Variants in ADAMTS3 observed in about 807,000 individuals in gnomAD.
ADAMTS3 encodes the protein A disintegrin and metalloproteinase with thrombospondin motifs 3.
In ADAMTS3, 73 loss-of-function variants were observed where a neutral mutation model predicts 129.0. The observed-to-expected ratio is 0.57, with a 90% CI of 0.47 to 0.69. The LOEUF (loss-of-function observed/expected upper bound fraction) is 0.69, where lower values mean the gene tolerates loss of function less well. Ranked by LOEUF, ADAMTS3 falls within the 30% of genes least tolerant of loss-of-function variation. The pLI is 0.00. For synonymous variants in ADAMTS3, 477 were observed against 510.8 expected (o/e 0.93, Z 0.89); for missense variants, 1,457 against 1,514.5 (o/e 0.96, Z 0.63).
Position 72,282,409 on chromosome 4 carries a change from C to A in ADAMTS3, c.*727G>T, listed in dbSNP as rs1486230465. On this transcript the variant is annotated 3_prime_UTR_variant, in exon 22 of 22. Transcript: ENST00000286657. ...TAAGCTGATATCTGTATATCTATAGCTTTTGTGTTTCTTTTCTTTTTCTAT... is the reference window on the plus strand; with the variant it reads ...TAAGCTGATATCTGTATATCTATAGATTTTGTGTTTCTTTTCTTTTTCTAT... 1 of 152,004 alleles carries A rather than the reference C, an allele frequency of 6.6e-6. No individual in the cohort carries two copies. The highest frequency in any genetic ancestry group is 2.4e-5 in the African/African-American group (1 of 41,306). The allele number at this position is 152,004 out of a possible 1,614,324, so 9.4% of individuals were successfully genotyped here.
At chr4:72,417,733 A>T (rs1722340084) in intron 3 of ADAMTS3, among the ~76,000 whole-genome samples, 1 of 151,882 alleles carries the variant, frequency 6.6e-6, no homozygotes, top group Non-Finnish European at 1.5e-5. Flanking sequence ...GATCAAGACC[A>T]TCCTGGCTAA....
chr4:72,562,740 C>T (rs1721932000), intron 2 of ADAMTS3, among the ~76,000 whole-genome samples: 1 of 152,080 alleles, frequency 6.6e-6, no homozygotes, highest in South Asian at 2.1e-4. Context: ...CATCAACAAT[C>T]TGGGAAAACA....
intron 5 of ADAMTS3, among the ~76,000 whole-genome samples, chr4:72,338,728 T>A (rs1293644732): frequency 6.6e-6 from 1 of 152,094 alleles, no homozygotes; most frequent in Non-Finnish European, 1.5e-5. Flanking sequence ...ATATAATATA[T>A]ATTTCATATT....
chr4:72,431,868 A>ATAG (rs1455779547), intron 3 of ADAMTS3, among the ~76,000 whole-genome samples: 2 of 152,030 alleles, frequency 1.3e-5, no homozygotes, highest in African/African-American at 4.8e-5. Flanking sequence ...AAAAATAGTA[A>ATAG]TAGTAGCAGT....
rs144367585 is a variant in ADAMTS3 at position 72,306,055 on chromosome 4, A to G, written c.2192T>C (p.Met731Thr). Residue 731 changes from methionine (M) to threonine (T), a missense_variant, in exon 16 of 22, where the codon ATG (methionine) becomes ACG (threonine). Transcript: ENST00000286657. Reference sequence around the variant, plus strand: ...TCTAGCCCCAGGGGGTATATCAAACATCTTAAGGTACCCTTTGCATGTGTA... The same window carrying G: ...TCTAGCCCCAGGGGGTATATCAAACGTCTTAAGGTACCCTTTGCATGTGTA... The part of the protein sequence containing the change: ...RTPRKLGYLK[M>T]FDIPPGARHV... 16 of 1,604,396 alleles carry G rather than the reference A, an allele frequency of 1.0e-5. No individual in the cohort carries two copies. In the African/African-American group the frequency reaches 2.0e-4, roughly 20 times the overall value.
At chr4:72,386,433 A>G (rs1721450882) in intron 4 of ADAMTS3, among the ~76,000 whole-genome samples, 1 of 151,794 alleles carries the variant, frequency 6.6e-6, no homozygotes, top group Non-Finnish European at 1.5e-5. Flanking sequence ...GCAAAAACAC[A>G]TTAAGCAACA....
chr4:72,366,569 T>C (rs1720874135), intron 4 of ADAMTS3, among the ~76,000 whole-genome samples: 4 of 152,190 alleles, frequency 2.6e-5, no homozygotes, highest in African/African-American at 9.6e-5. Context: ...TAACATACGC[T>C]GTTATTTAGA....
intron 3 of ADAMTS3, among the ~76,000 whole-genome samples, chr4:72,427,301 C>G (rs1722596935): frequency 6.6e-6 from 1 of 152,138 alleles, no homozygotes; most frequent in South Asian, 2.1e-4. Context: ...CTGAAAGTTT[C>G]AAGAACTTCC....
chr4:72,366,808 T>G (rs1352809848), intron 4 of ADAMTS3, among the ~76,000 whole-genome samples: 1 of 151,986 alleles, frequency 6.6e-6, no homozygotes, highest in Non-Finnish European at 1.5e-5. Context: ...CTCATAAAGT[T>G]AATTAACATC....
At chr4:72,502,710 CTTG>C (rs760167196) in intron 3 of ADAMTS3, among the ~76,000 whole-genome samples, 39 of 152,120 alleles carry the variant, frequency 2.6e-4, no homozygotes, top group Non-Finnish European at 4.6e-4. Context: ...AATTTGAGAT[CTTG>C]CTAACTTCTT....
chr4:72,317,241 G>C (rs180905108), intron 10 of ADAMTS3, among the ~76,000 whole-genome samples: 1 of 151,858 alleles, frequency 6.6e-6, no homozygotes, highest in Admixed American at 6.6e-5. Context: ...CCTTATTATC[G>C]AATGTGGAAA....
At position 72,555,182 on chromosome 4, in the gene ADAMTS3, T is replaced by C. The variant is rs948056013; in HGVS notation, c.98-6298A>G. ...TAATCAAACCCTCCCACTTCAAAAGTAGAAAACAGAAAATCAGAGATTAAG... is the reference window on the plus strand; with the variant it reads ...TAATCAAACCCTCCCACTTCAAAAGCAGAAAACAGAAAATCAGAGATTAAG... On this transcript the variant is annotated intron_variant, in intron 2 of 21. Coordinates refer to ENST00000286657, the MANE Select transcript of ADAMTS3 (RefSeq NM_014243.3). 7.9e-5 allele frequency among the ~76,000 whole-genome samples: 12 copies of C among 151,896 alleles called. No individual in the cohort carries two copies. The East Asian group carries it at 2.1e-3, about 27-fold the overall frequency.
intron 3 of ADAMTS3, among the ~76,000 whole-genome samples, chr4:72,448,254 C>T (rs958188290): frequency 2.0e-5 from 3 of 151,770 alleles, no homozygotes; most frequent in Non-Finnish European, 4.4e-5. Context: ...TCACATTTGC[C>T]TTTATGCTGG....
intron 4 of ADAMTS3, among the ~76,000 whole-genome samples, chr4:72,350,563 T>G (rs1720406894): frequency 6.6e-6 from 1 of 152,060 alleles, no homozygotes; most frequent in South Asian, 2.1e-4. Flanking sequence ...TTCTTGAACT[T>G]TGTTCTTGGA....
chr4:72,329,091 G>A (rs1719772144), intron 5 of ADAMTS3, among the ~76,000 whole-genome samples: 1 of 152,150 alleles, frequency 6.6e-6, no homozygotes, highest in African/African-American at 2.4e-5. Context: ...GTGCCCAAAT[G>A]TTCTGGGGGT....
chr4:72,415,003 A>T, intron 3 of ADAMTS3, 32 bp from the exon 4 acceptor site: 1 of 1,386,252 alleles, frequency 7.2e-7, no homozygotes, highest in Non-Finnish European at 9.5e-7. Context: ...TTAATTTAAA[A>T]AAGAAATATC....
intron 3 of ADAMTS3, among the ~76,000 whole-genome samples, chr4:72,485,894 C>T (rs557340344): frequency 3.3e-5 from 5 of 152,256 alleles, no homozygotes; most frequent in Non-Finnish European, 7.4e-5. Context: ...CCCCTTCCAC[C>T]ATGTGAGGAT....
chr4:72,565,790 T>C (rs542722147), intron 2 of ADAMTS3, among the ~76,000 whole-genome samples: 1 of 152,310 alleles, frequency 6.6e-6, no homozygotes, highest in Admixed American at 6.5e-5. Context: ...ACCATAGTAA[T>C]TTACATTAGC....
At chr4:72,505,321 T>C (rs948008055) in intron 3 of ADAMTS3, among the ~76,000 whole-genome samples, 3 of 152,190 alleles carry the variant, frequency 2.0e-5, no homozygotes, top group Non-Finnish European at 4.4e-5. Flanking sequence ...AAATGATGGG[T>C]AAGGTCTTTT....
Sources: gnomAD v4.1 joint callset for allele counts (sites outside exome capture counted in the v4.1 genomes callset) on GRCh38, gnomAD v4.1.1 for gene constraint, MANE v1.5 for transcripts, NCBI Gene and HGNC (gene_info 2026-07-23, HGNC 2026-07-21) for gene names.